SCLT1: variants seen among roughly 807,000 people sequenced by gnomAD.
SCLT1 encodes the protein sodium channel-associated protein 1.
In SCLT1, 78 loss-of-function variants were observed where a neutral mutation model predicts 112.8. The ratio of observed to expected loss-of-function variants is 0.69; its 90% CI spans 0.58 to 0.83. The LOEUF (loss-of-function observed/expected upper bound fraction) is 0.83, where lower values mean the gene tolerates loss of function less well. Ranked by LOEUF, SCLT1 falls within the 40% of genes least tolerant of loss-of-function variation. SCLT1 has a pLI of 0.00. For missense variants in SCLT1, 747 were observed against 770.4 expected, an observed-to-expected ratio of 0.97 and a Z score of 0.36; for synonymous variants, 257 against 254.7, an observed-to-expected ratio of 1.01 and a Z score of -0.09.
chr4:128,951,770 C>T (rs1738761589), intron 14 of SCLT1, among the ~76,000 whole-genome samples: 1 of 152,158 alleles, frequency 6.6e-6, no homozygotes, highest in Non-Finnish European at 1.5e-5. Flanking sequence ...CATTGCATCT[C>T]ACTAATTTTA....
intron 18 of SCLT1, among the ~76,000 whole-genome samples, chr4:128,931,578 T>C (rs1042576930): frequency 1.3e-5 from 2 of 152,172 alleles, no homozygotes; most frequent in African/African-American, 4.8e-5. Context: ...TTCTCCCACC[T>C]CTGCCTCCCA....
intron 17 of SCLT1, among the ~76,000 whole-genome samples, chr4:128,939,139 C>T (rs2047683997): frequency 1.3e-5 from 2 of 152,166 alleles, no homozygotes; most frequent in South Asian, 4.1e-4. Context: ...TTATGATAAC[C>T]TGGTCCCTGC....
chr4:128,887,691 C>G (rs911659197), intron 20 of SCLT1, among the ~76,000 whole-genome samples: 3 of 152,098 alleles, frequency 2.0e-5, no homozygotes, highest in Non-Finnish European at 2.9e-5. Flanking sequence ...AATCAAGGGC[C>G]TACTTCATTT....
chr4:128,927,749 AGAAAG>A (rs796564394), intron 18 of SCLT1, among the ~76,000 whole-genome samples: 2 of 152,180 alleles, frequency 1.3e-5, no homozygotes, highest in East Asian at 1.9e-4. Context: ...GCAACATGAA[AGAAAG>A]GAGAGGGGTA....
intron 18 of SCLT1, among the ~76,000 whole-genome samples, chr4:128,901,410 C>G (rs1734280388): frequency 6.6e-6 from 1 of 151,844 alleles, no homozygotes; most frequent in South Asian, 2.1e-4. Context: ...TCTCAGCAAA[C>G]TATCGCAAGG....
At chr4:128,962,772 A>T (rs1458342602) in intron 11 of SCLT1, among the ~76,000 whole-genome samples, 1 of 152,164 alleles carries the variant, frequency 6.6e-6, no homozygotes, top group Non-Finnish European at 1.5e-5. Context: ...CCCTACTGCA[A>T]TAGCCTGAAT....
intron 4 of SCLT1, among the ~76,000 whole-genome samples, chr4:128,876,174 G>GCTAT (rs1233487376): frequency 6.6e-6 from 1 of 152,164 alleles, no homozygotes; most frequent in Non-Finnish European, 1.5e-5. Context: ...AAACAGGGTA[G>GCTAT]CTATCTTAAT....
chr4:128,887,196 G>A (rs959762387), intron 20 of SCLT1, among the ~76,000 whole-genome samples: 6 of 152,152 alleles, frequency 3.9e-5, no homozygotes, highest in African/African-American at 9.7e-5. Flanking sequence ...ATACTTGCCA[G>A]ATACTGTCCA....
chr4:129,004,987 A>T (rs1743863672), intron 5 of SCLT1, among the ~76,000 whole-genome samples: 1 of 151,792 alleles, frequency 6.6e-6, no homozygotes, highest in African/African-American at 2.4e-5. Context: ...TAATAGAGAA[A>T]ATGATCAGTA....
In SCLT1 at chr4:129,078,661, T is replaced by C. The variant is rs536099964; in HGVS notation, c.102+3645A>G. Among the ~76,000 whole-genome samples, 9 of 152,228 alleles carry C rather than the reference T, an allele frequency of 5.9e-5. No homozygotes were observed. The East Asian group carries it at 1.2e-3, about 20-fold the overall frequency. Reference sequence around the variant, plus strand: ...AAAGCATAGAGCAGTCAGCTAAATATTGAATATACATTAAAAAATATCTAT... The same window carrying C: ...AAAGCATAGAGCAGTCAGCTAAATACTGAATATACATTAAAAAATATCTAT... On this transcript the variant is annotated intron_variant, in intron 2 of 20. Coordinates refer to ENST00000281142, the MANE Select transcript of SCLT1 (RefSeq NM_144643.4).
intron 5 of SCLT1, among the ~76,000 whole-genome samples, chr4:129,020,833 C>A (rs376684790): frequency 6.6e-6 from 1 of 152,114 alleles, no homozygotes; most frequent in South Asian, 2.1e-4. Context: ...ATTTATTGAG[C>A]AGTTTAATGT....
chr4:128,889,253 A>G (rs1733125663), intron 19 of SCLT1, among the ~76,000 whole-genome samples: 1 of 152,164 alleles, frequency 6.6e-6, no homozygotes, highest in Non-Finnish European at 1.5e-5. Flanking sequence ...TGGGAATGTG[A>G]CCTTATTTGG....
intron 2 of SCLT1, among the ~76,000 whole-genome samples, chr4:129,076,326 T>C (rs1265208845): frequency 6.6e-6 from 1 of 152,120 alleles, no homozygotes; most frequent in Non-Finnish European, 1.5e-5. Context: ...GTTTTTCCCC[T>C]CCATAGCCAC....
intron 18 of SCLT1, among the ~76,000 whole-genome samples, chr4:128,908,431 G>A (rs118033036): frequency 6.7e-6 from 1 of 148,444 alleles, no homozygotes; most frequent in East Asian, 2.0e-4. Context: ...AAACATTACA[G>A]ATATACAGCC....
At chr4:128,928,346 T>A (rs971762063) in intron 18 of SCLT1, among the ~76,000 whole-genome samples, 1 of 152,054 alleles carries the variant, frequency 6.6e-6, no homozygotes, top group Admixed American at 6.6e-5. Context: ...TGAACATAGA[T>A]AAAAATATAT....
intron 9 of SCLT1, among the ~76,000 whole-genome samples, chr4:128,980,149 G>A (rs1372141015): frequency 6.6e-6 from 1 of 152,122 alleles, no homozygotes; most frequent in South Asian, 2.1e-4. Flanking sequence ...TCTGCTCAGG[G>A]CCATTTCTCA....
chr4:128,883,798 A>G (rs1411374265), downstream of SCLT1, among the ~76,000 whole-genome samples: 1 of 152,246 alleles, frequency 6.6e-6, no homozygotes, highest in Non-Finnish European at 1.5e-5. Context: ...ACATGTATCT[A>G]TGAAGATCAA....
chr4:129,034,975 C>A (rs1315736332), intron 5 of SCLT1, among the ~76,000 whole-genome samples: 1 of 152,074 alleles, frequency 6.6e-6, no homozygotes, highest in Non-Finnish European at 1.5e-5. Flanking sequence ...TAATAAAACA[C>A]CCAACAAATA....
intron 2 of SCLT1, among the ~76,000 whole-genome samples, chr4:129,066,650 A>T (rs909592856): frequency 6.6e-6 from 1 of 152,088 alleles, no homozygotes; most frequent in Non-Finnish European, 1.5e-5. Context: ...TTGTCAAGAG[A>T]ATGGATACAT....
Sources: allele counts gnomAD v4.1 joint callset (sites outside exome capture counted in the v4.1 genomes callset), GRCh38; gene constraint gnomAD v4.1.1; transcripts MANE v1.5; gene names NCBI Gene and HGNC (gene_info 2026-07-23, HGNC 2026-07-21).